Variants in NELL2 observed in about 807,000 individuals in gnomAD.
The protein encoded by NELL2 is protein kinase C-binding protein NELL2.
Under a neutral mutation model 109.6 loss-of-function variants are expected in NELL2, and 41 were observed. That is an observed-to-expected ratio of 0.37 (90% CI 0.29 to 0.49). The LOEUF (loss-of-function observed/expected upper bound fraction) is 0.49. Among genes scored for constraint, NELL2 ranks in the 20% least tolerant of loss-of-function variants. NELL2 has a pLI of 0.98. For missense variants in NELL2, 900 were observed against 1,008.3 expected, an observed-to-expected ratio of 0.89 and a Z score of 1.45; for synonymous variants, 355 against 344.7, an observed-to-expected ratio of 1.03 and a Z score of -0.33.
At chr12:44,627,675 C>A (rs1267900733) in intron 13 of NELL2, among the ~76,000 whole-genome samples, 2 of 151,430 alleles carry the variant, frequency 1.3e-5, no homozygotes, top group African/African-American at 4.9e-5. Flanking sequence ...TACTTGCCTG[C>A]AGATATAACT....
chr12:44,727,843 C>G (rs73278144), intron 9 of NELL2, among the ~76,000 whole-genome samples: 1 of 152,044 alleles, frequency 6.6e-6, no homozygotes, highest in Non-Finnish European at 1.5e-5. Context: ...CTCACAATAA[C>G]AAATAATCAA....
intron 3 of NELL2, among the ~76,000 whole-genome samples, chr12:44,813,608 A>G (rs1280396653): frequency 6.6e-6 from 1 of 152,194 alleles, no homozygotes; most frequent in Non-Finnish European, 1.5e-5. Context: ...TGAGTTGAAT[A>G]CCCAAAAGTA....
intron 12 of NELL2, among the ~76,000 whole-genome samples, chr12:44,702,871 A>C (rs1711739245): frequency 6.6e-6 from 1 of 152,184 alleles, no homozygotes; most frequent in South Asian, 2.1e-4. Context: ...AGAGCCAACA[A>C]ATCATCCTGC....
At chr12:44,676,566 A>G (rs1040999283) in intron 12 of NELL2, among the ~76,000 whole-genome samples, 4 of 152,140 alleles carry the variant, frequency 2.6e-5, no homozygotes, top group African/African-American at 9.7e-5. Context: ...GACATCTCAA[A>G]ATAATGGCCA....
chr12:44,723,518 A>G (rs190626495), intron 9 of NELL2, among the ~76,000 whole-genome samples: 5 of 152,330 alleles, frequency 3.3e-5, no homozygotes, highest in Admixed American at 3.3e-4. Context: ...TTCACACTCA[A>G]TCATGTTTTG....
At chr12:44,559,647 C>T (rs1353431845) in intron 15 of NELL2, among the ~76,000 whole-genome samples, 1 of 152,178 alleles carries the variant, frequency 6.6e-6, no homozygotes, top group East Asian at 1.9e-4. Flanking sequence ...AATATATATG[C>T]ACCCAATACA....
intron 2 of NELL2, among the ~76,000 whole-genome samples, chr12:44,832,260 C>A (rs140632548): frequency 8.5e-5 from 13 of 152,198 alleles, no homozygotes; most frequent in Admixed American, 3.9e-4. Context: ...AAAAGAAATT[C>A]TTTATGTCTT....
chr12:44,836,685 G>A (rs1944064432), intron 2 of NELL2, among the ~76,000 whole-genome samples: 1 of 152,192 alleles, frequency 6.6e-6, no homozygotes, highest in Non-Finnish European at 1.5e-5. Context: ...CCATTGGCAT[G>A]AATGAAACTT....
At chr12:44,573,324 A>G (rs1943942891) in intron 15 of NELL2, among the ~76,000 whole-genome samples, 1 of 152,240 alleles carries the variant, frequency 6.6e-6, no homozygotes, top group African/African-American at 2.4e-5. Flanking sequence ...TGAGTAAAAT[A>G]GAAGGAAAAT....
At chr12:44,515,126 T>C (rs1941202519) in intron 19 of NELL2, among the ~76,000 whole-genome samples, 1 of 151,672 alleles carries the variant, frequency 6.6e-6, no homozygotes, top group African/African-American at 2.4e-5. Context: ...AAAATGGTAG[T>C]CCTAAATCCA....
At chr12:44,710,957 A>G (rs1231747323) in intron 11 of NELL2, among the ~76,000 whole-genome samples, 1 of 152,146 alleles carries the variant, frequency 6.6e-6, no homozygotes, top group Non-Finnish European at 1.5e-5. Context: ...GTAACTGCCA[A>G]TAAAATAACT....
intron 9 of NELL2, among the ~76,000 whole-genome samples, chr12:44,761,919 A>G (rs984935369): frequency 6.6e-6 from 1 of 152,172 alleles, no homozygotes; most frequent in African/African-American, 2.4e-5. Flanking sequence ...AAAATTACCT[A>G]CTGGGTATCA....
In NELL2 at chr12:44,675,145, A is replaced by C. The variant is rs184571982; in HGVS notation, c.1319-9536T>G. 6.6e-5 allele frequency among the ~76,000 whole-genome samples: 10 copies of C among 152,296 alleles called. No homozygotes were observed. In the East Asian group the frequency reaches 1.5e-3, roughly 24 times the overall value. ...TTACTTAGACATGGGCTTTTGTATGAATAGCAAATACAAGCCATCCTGGTG... is the reference window on the plus strand; with the variant it reads ...TTACTTAGACATGGGCTTTTGTATGCATAGCAAATACAAGCCATCCTGGTG... On this transcript the variant is annotated intron_variant, in intron 12 of 19. Coordinates refer to ENST00000429094, the MANE Select transcript of NELL2 (RefSeq NM_001145108.2).
intron 9 of NELL2, among the ~76,000 whole-genome samples, chr12:44,732,046 A>T (rs1228548660): frequency 6.6e-6 from 1 of 152,038 alleles, no homozygotes; most frequent in Non-Finnish European, 1.5e-5. Flanking sequence ...TACACTAAAA[A>T]CTATGAAACT....
chr12:44,739,484 A>G (rs773926393), intron 9 of NELL2, among the ~76,000 whole-genome samples: 1 of 152,218 alleles, frequency 6.6e-6, no homozygotes, highest in Admixed American at 6.5e-5. Flanking sequence ...CCAGTTTTGT[A>G]CAGGCTTGTG....
chr12:44,543,864 C>A (rs1417008912), intron 15 of NELL2, among the ~76,000 whole-genome samples: 1 of 152,076 alleles, frequency 6.6e-6, no homozygotes, highest in Admixed American at 6.6e-5. Context: ...ATTTGTGCAT[C>A]TTAATTTCTG....
At chr12:44,641,026 G>A (rs183571618) in intron 13 of NELL2, among the ~76,000 whole-genome samples, 1 of 152,138 alleles carries the variant, frequency 6.6e-6, no homozygotes, top group Non-Finnish European at 1.5e-5. Flanking sequence ...GGAACCAGAT[G>A]TAACTGAGAT....
chr12:44,561,897 T>A (rs563391645), intron 15 of NELL2, among the ~76,000 whole-genome samples: 3 of 152,314 alleles, frequency 2.0e-5, no homozygotes, highest in Admixed American at 1.3e-4. Context: ...GCTGGAGGCA[T>A]CAAGCTACCT....
chr12:44,563,400 A>C (rs1943545936), intron 15 of NELL2, among the ~76,000 whole-genome samples: 1 of 152,180 alleles, frequency 6.6e-6, no homozygotes, highest in South Asian at 2.1e-4. Flanking sequence ...TGCCTTTGCC[A>C]CCAGCAAAAT....
Sources: allele counts gnomAD v4.1 joint callset (sites outside exome capture counted in the v4.1 genomes callset), GRCh38; gene constraint gnomAD v4.1.1; transcripts MANE v1.5; gene names NCBI Gene and HGNC (gene_info 2026-07-23, HGNC 2026-07-21).